ISCU: variants seen among roughly 807,000 people sequenced by gnomAD.
ISCU encodes the protein iron-sulfur cluster assembly enzyme.
Under a neutral mutation model 18.4 loss-of-function variants are expected in ISCU, and 13 were observed. The observed-to-expected ratio is 0.71, with a 90% CI of 0.46 to 1.12. The LOEUF (loss-of-function observed/expected upper bound fraction) is 1.12, where lower values mean the gene tolerates loss of function less well. Among genes scored for constraint, ISCU ranks in the 50% most tolerant of loss-of-function variants. ISCU has a pLI of 0.00. For synonymous variants in ISCU, 104 were observed against 87.5 expected (o/e 1.19, Z -1.06); for missense variants, 229 against 208.7 (o/e 1.10, Z -0.60).
intron 1 of ISCU, chr12:108,563,919 C>G: frequency 1.4e-6 from 1 of 693,468 alleles, no homozygotes; most frequent in Non-Finnish European, 2.6e-6. Context: ...AGTAATCATC[C>G]TTTGAGGATG....
chr12:108,566,825 G>A (rs1257488638), intron 3 of ISCU, among the ~76,000 whole-genome samples: 2 of 152,190 alleles, frequency 1.3e-5, no homozygotes, highest in Non-Finnish European at 2.9e-5. Flanking sequence ...GAGGACATCG[G>A]AGAAGCTGAT....
At chr12:108,567,890 G>A (rs532830429) in intron 4 of ISCU, 90 of 1,423,734 alleles carry the variant, frequency 6.3e-5, no homozygotes, top group Admixed American at 4.0e-4. Flanking sequence ...TAAATCTAAT[G>A]CTTTTTCCAT....
chr12:108,564,214 C>A, intron 1 of ISCU, 65 bp from the exon 2 acceptor site: 1 of 1,556,554 alleles, frequency 6.4e-7, no homozygotes, highest in Non-Finnish European at 8.9e-7. Flanking sequence ...GAGGAGCTTA[C>A]CATCAAACCA....
At chr12:108,568,231 C>G in intron 4 of ISCU, 1 of 1,221,490 alleles carries the variant, frequency 8.2e-7, no homozygotes, top group Non-Finnish European at 1.0e-6. Context: ...CTGATGTTCT[C>G]TGTTATTTGC....
chr12:108,562,559 C>T, upstream of ISCU: 3 of 951,478 alleles, frequency 3.2e-6, no homozygotes, highest in Non-Finnish European at 4.3e-6. Flanking sequence ...AGCTCGGAGC[C>T]GACTCGCAGA....
rs779041657 is a variant in ISCU, at chr12:108,562,650, A to G, written c.28A>G (p.Arg10Gly). The change falls in exon 1 of 5, where the codon AGG (arginine) becomes GGG (glycine). Residue 10 changes from arginine to glycine, a missense_variant. Transcript: ENST00000311893. ...GGCGGCGGCTGGGGCTTTCCGTCTG[A>G]GGCGGGCGGCATCGGCTCTGCTGCT... MAAAGAFRL[R>G]RAASALLLRS... is the part of the protein sequence containing the mutation. 1.6e-5 allele frequency: 23 copies of G among 1,461,810 alleles called. No homozygotes were observed. The highest frequency in any genetic ancestry group is 2.0e-4 in the Middle Eastern group (1 of 4,946). 90.6% of individuals were successfully genotyped at this position (1,461,810 alleles called of 1,614,324 possible). A position where few individuals can be genotyped will look rare whatever the true frequency, so the allele number is the denominator to read the frequency against.
At chr12:108,567,745 T>TA (rs1264038347) in intron 4 of ISCU, 2 of 1,535,744 alleles carry the variant, frequency 1.3e-6, no homozygotes, top group Non-Finnish European at 1.7e-6. Context: ...GTCTGGATGG[T>TA]ATTCCTGTCG....
At position 108,569,324 on chromosome 12, in the gene ISCU, G is replaced by A. The variant is rs554356458; in HGVS notation, c.*408G>A. ...AATTGTTGTACATAAAACAGATTGC[G>A]CATATATATATATGTATAAAAAATA... On this transcript the variant is annotated 3_prime_UTR_variant, in exon 5 of 5. Transcript: ENST00000311893. 1.3e-4 allele frequency: 25 copies of A among 191,164 alleles called. 2 individuals carry two copies. The South Asian group carries it at 2.1e-3, about 16-fold the overall frequency. The allele number at this position is 191,164 out of a possible 1,614,324, so 11.8% of individuals were successfully genotyped here. A position where few individuals can be genotyped will look rare whatever the true frequency, so the allele number is the denominator to read the frequency against.
intron 3 of ISCU, 25 bp downstream of exon 3, chr12:108,565,456 G>A (rs1244841870): frequency 1.4e-6 from 2 of 1,462,150 alleles, no homozygotes; most frequent in South Asian, 1.1e-5. Context: ...AAATCTAATG[G>A]GTCAAAAACA....
chr12:108,563,029 G>C (rs528762442), intron 1 of ISCU: 107 of 256,812 alleles, frequency 4.2e-4, no homozygotes, highest in Non-Finnish European at 6.3e-4. Context: ...GTCTTTCTGA[G>C]TCCAGGGACA....
chr12:108,568,979 C>A lies in ISCU; in HGVS notation c.*63C>A. ...CTGTTTCCCACCTGCTGTGCAGTCA[C>A]CTTAGATGTTCAGAAGCCGCTTCCT... On this transcript the variant is annotated 3_prime_UTR_variant, in exon 5 of 5. Transcript: ENST00000311893. 1 of 1,409,482 alleles carries A rather than the reference C, an allele frequency of 7.1e-7. No homozygotes were observed. The highest frequency in any genetic ancestry group is 9.9e-7 in the Non-Finnish European group (1 of 1,010,752). The allele number at this position is 1,409,482 out of a possible 1,614,324, so 87.3% of individuals were successfully genotyped here. A position where few individuals can be genotyped will look rare whatever the true frequency, so the allele number is the denominator to read the frequency against.
At chr12:108,562,527 G>A (rs981046397), upstream of ISCU, 5 of 642,714 alleles carry the variant, frequency 7.8e-6, no homozygotes, top group Non-Finnish European at 1.2e-5. Flanking sequence ...AAGCTTCGGT[G>A]ACGTCAGAGA....
intron 1 of ISCU, chr12:108,563,915 C>A: frequency 1.5e-6 from 1 of 680,112 alleles, no homozygotes; most frequent in Non-Finnish European, 2.7e-6. Flanking sequence ...AAATAGTAAT[C>A]ATCCTTTGAG....
intron 3 of ISCU, 70 bp from the exon 4 acceptor site, chr12:108,567,120 T>C: frequency 8.3e-7 from 1 of 1,211,526 alleles, no homozygotes; most frequent in Non-Finnish European, 1.2e-6. Flanking sequence ...TTGGCCTCCC[T>C]TTTTTATTGG....
chr12:108,568,412 C>T, intron 4 of ISCU: 1 of 1,094,042 alleles, frequency 9.1e-7, no homozygotes, highest in Non-Finnish European at 1.1e-6. Flanking sequence ...GGCATGTCAA[C>T]TTTTTTATCA....
At chr12:108,566,357 C>T in intron 3 of ISCU, among the ~76,000 whole-genome samples, 1 of 152,252 alleles carries the variant, frequency 6.6e-6, no homozygotes, top group East Asian at 1.9e-4. Context: ...AGACAAGGCA[C>T]TTTTGCTCCC....
chr12:108,568,272 GT>G, intron 4 of ISCU: 1 of 1,150,240 alleles, frequency 8.7e-7, no homozygotes, highest in African/African-American at 1.6e-5. Context: ...AGCTCTCTCA[GT>G]TTTTATTTTC....
At position 108,569,320 on chromosome 12, in the gene ISCU, T is replaced by TC. The variant is rs138544559; in HGVS notation, c.*404_*405insC. 180,316 of 207,332 alleles carry TC rather than the reference T, an allele frequency of 0.87. 78,709 individuals are homozygous for TC. Among genetic ancestry groups the TC allele is most frequent in the East Asian group, 0.94 (7,837 of 8,316 alleles). The allele number at this position is 207,332 out of a possible 1,614,324, so 12.8% of individuals were successfully genotyped here. A position where few individuals can be genotyped will look rare whatever the true frequency, so the allele number is the denominator to read the frequency against. ...AACCAATTGTTGTACATAAAACAGA[T>TC]TGCGCATATATATATATGTATAAAA... On this transcript the variant is annotated 3_prime_UTR_variant, in exon 5 of 5. Coordinates refer to ENST00000311893, the MANE Select transcript of ISCU (RefSeq NM_213595.4).
chr12:108,562,943 C>T (rs2030686475), intron 1 of ISCU: 1 of 390,152 alleles, frequency 2.6e-6, no homozygotes, highest in Non-Finnish European at 4.5e-6. Flanking sequence ...CAGGGGGCCC[C>T]GCCGCTGGCC....
Sources: allele counts gnomAD v4.1 joint callset (sites outside exome capture counted in the v4.1 genomes callset), GRCh38; gene constraint gnomAD v4.1.1; transcripts MANE v1.5; gene names NCBI Gene and HGNC (gene_info 2026-07-23, HGNC 2026-07-21).